The following CNTN4 variants were observed in gnomAD, a reference collection of about 807,000 sequenced individuals.
The protein encoded by CNTN4 is contactin 4.
Under a neutral mutation model 122.5 loss-of-function variants are expected in CNTN4, and 77 were observed. The ratio of observed to expected loss-of-function variants is 0.63; its 90% confidence interval spans 0.52 to 0.76. CNTN4 has a LOEUF of 0.76. CNTN4 is among the 30% of genes least tolerant of loss of function. CNTN4 has a pLI of 0.00. For synonymous variants in CNTN4, 512 were observed against 447.0 expected (o/e 1.15, Z -1.83); for missense variants, 1,256 against 1,259.1 (o/e 1.00, Z 0.04).
intron 7 of CNTN4, among the ~76,000 whole-genome samples, chr3:2,820,401 G>A (rs941145055): frequency 6.6e-6 from 1 of 152,210 alleles, no homozygotes; most frequent in African/African-American, 2.4e-5. Context: ...TTCTAGACTT[G>A]TGGATCCTCC....
intron 3 of CNTN4, among the ~76,000 whole-genome samples, chr3:2,559,196 C>A (rs1211006952): frequency 6.6e-6 from 1 of 152,224 alleles, no homozygotes; most frequent in African/African-American, 2.4e-5. Context: ...CCTTGACATA[C>A]TAAGGATTCT....
chr3:2,485,268 C>G (rs990045533), intron 3 of CNTN4, among the ~76,000 whole-genome samples: 1 of 152,210 alleles, frequency 6.6e-6, no homozygotes, highest in African/African-American at 2.4e-5. Flanking sequence ...CCGGTCCCAT[C>G]GACTGCCCAA....
intron 3 of CNTN4, among the ~76,000 whole-genome samples, chr3:2,468,341 G>A (rs2075574039): frequency 6.6e-6 from 1 of 152,068 alleles, no homozygotes; most frequent in African/African-American, 2.4e-5. Context: ...TGCTACCAGT[G>A]TATTTCTAGG....
chr3:2,542,149 G>C (rs939942758), intron 3 of CNTN4, among the ~76,000 whole-genome samples: 2 of 152,082 alleles, frequency 1.3e-5, no homozygotes, highest in African/African-American at 4.8e-5. Context: ...ATAACAGCTG[G>C]TTAAATTATG....
intron 3 of CNTN4, among the ~76,000 whole-genome samples, chr3:2,523,825 A>G (rs544730472): frequency 4.6e-5 from 7 of 152,156 alleles, no homozygotes; most frequent in African/African-American, 7.2e-5. Flanking sequence ...CACTTTTTCA[A>G]TTTTCATCAA....
intron 3 of CNTN4, among the ~76,000 whole-genome samples, chr3:2,379,522 G>A (rs1051469705): frequency 1.3e-5 from 2 of 151,994 alleles, no homozygotes; most frequent in African/African-American, 2.4e-5. Context: ...GGCCTCTTTT[G>A]TCTTTTTTAT....
chr3:2,808,701 A>C (rs997526206), intron 6 of CNTN4, among the ~76,000 whole-genome samples: 1 of 152,186 alleles, frequency 6.6e-6, no homozygotes, highest in African/African-American at 2.4e-5. Flanking sequence ...TTATTTTGCA[A>C]AGCAATAACT....
chr3:2,287,772 GAAGAAGGAGAAGAA>G (rs2041994524), intron 2 of CNTN4, among the ~76,000 whole-genome samples: 1 of 148,616 alleles, frequency 6.7e-6, no homozygotes, highest in African/African-American at 2.6e-5. Context: ...AGAAGAAGAA[GAAGAAGGAGAAGAA>G]GAGGAGGAAG....
chr3:2,587,629 C>G (rs1400357679), intron 4 of CNTN4, among the ~76,000 whole-genome samples: 2 of 152,048 alleles, frequency 1.3e-5, no homozygotes, highest in African/African-American at 2.4e-5. Flanking sequence ...TTTCTTGTAC[C>G]TCCCTTATGA....
intron 2 of CNTN4, among the ~76,000 whole-genome samples, chr3:2,148,568 T>C (rs1472895013): frequency 6.6e-6 from 1 of 151,740 alleles, no homozygotes; most frequent in Non-Finnish European, 1.5e-5. Flanking sequence ...AAAATATTAG[T>C]AGGTCTAACT....
chr3:2,164,991 T>C (rs1174020757), intron 2 of CNTN4, among the ~76,000 whole-genome samples: 6 of 152,112 alleles, frequency 3.9e-5, no homozygotes, highest in Non-Finnish European at 7.4e-5. Context: ...GGGTCACAAA[T>C]GCTGCTACAA....
At chr3:2,451,757 T>C (rs1322581087) in intron 3 of CNTN4, among the ~76,000 whole-genome samples, 3 of 152,178 alleles carry the variant, frequency 2.0e-5, no homozygotes, top group African/African-American at 7.2e-5. Flanking sequence ...CATTATTGTA[T>C]CCTGATTATA....
At chr3:2,693,017 G>C (rs965396) in intron 4 of CNTN4, among the ~76,000 whole-genome samples, 3 of 151,804 alleles carry the variant, frequency 2.0e-5, no homozygotes, top group African/African-American at 7.3e-5. Context: ...ATGTCAATGA[G>C]ATGCTACCTT....
At chr3:2,683,327 T>TACACAC (rs10601751) in intron 4 of CNTN4, among the ~76,000 whole-genome samples, 1 of 149,272 alleles carries the variant, frequency 6.7e-6, no homozygotes, top group Non-Finnish European at 1.5e-5. Context: ...TGCACACATG[T>TACACAC]ACACACACAC....
At chr3:3,035,287 G>T (rs1267897924) in intron 17 of CNTN4, among the ~76,000 whole-genome samples, 1 of 140,516 alleles carries the variant, frequency 7.1e-6, no homozygotes, top group Non-Finnish European at 1.5e-5. Context: ...CAGCCTGGGT[G>T]ACAGTGAGAC....
At chr3:2,636,558 AT>A (rs551668353) in intron 4 of CNTN4, among the ~76,000 whole-genome samples, 13 of 152,222 alleles carry the variant, frequency 8.5e-5, no homozygotes, top group South Asian at 2.1e-4. Context: ...TCCTTAATGC[AT>A]TTTTTTATTG....
At chr3:2,320,043 A>C (rs2043229170) in intron 2 of CNTN4, among the ~76,000 whole-genome samples, 1 of 152,302 alleles carries the variant, frequency 6.6e-6, no homozygotes, top group African/African-American at 2.4e-5. Flanking sequence ...TCAGAGTTGG[A>C]GAATCAAAGG....
At position 2,920,967 on chromosome 3, in the gene CNTN4, T is replaced by G. The variant is rs6770695; in HGVS notation, c.1208-4662T>G. On this transcript the variant is annotated intron_variant, in intron 12 of 24. Transcript: ENST00000418658. ...CTAGAAGGGGCACATCATGCTAACA[T>G]CAAAATGGAAAAATCATCTACTTCA... is the stretch of plus-strand genomic sequence containing the variant. 8.6e-5 allele frequency among the ~76,000 whole-genome samples: 13 copies of G among 151,656 alleles called. No individual in the cohort carries two copies. In the South Asian group the frequency reaches 1.7e-3, roughly 19 times the overall value.
intron 2 of CNTN4, among the ~76,000 whole-genome samples, chr3:2,205,472 A>G (rs2038297459): frequency 1.3e-5 from 2 of 151,900 alleles, no homozygotes; most frequent in South Asian, 4.2e-4. Context: ...AACTTCTACC[A>G]GAGACTTGGG....
Sources: allele counts gnomAD v4.1 joint callset (sites outside exome capture counted in the v4.1 genomes callset), GRCh38; gene constraint gnomAD v4.1.1; transcripts MANE v1.5; gene names NCBI Gene and HGNC (gene_info 2026-07-23, HGNC 2026-07-21).